The following ORC3 variants were observed in gnomAD, a reference collection of about 807,000 sequenced individuals.
The protein encoded by ORC3 is origin recognition complex subunit 3.
ORC3 carries 78 observed loss-of-function variants against 100.7 expected under a neutral mutation model. The ratio of observed to expected loss-of-function variants is 0.77; its 90% CI spans 0.65 to 0.94. The LOEUF is 0.94. ORC3 is among the 40% of genes least tolerant of loss of function. ORC3 has a pLI of 0.00. For missense variants in ORC3, 789 were observed against 823.9 expected, an observed-to-expected ratio of 0.96 and a Z score of 0.52; for synonymous variants, 295 against 289.3, an observed-to-expected ratio of 1.02 and a Z score of -0.20.
intron 19 of ORC3, among the ~76,000 whole-genome samples, chr6:87,666,155 C>T (rs139317778): frequency 1.3e-3 from 193 of 152,150 alleles, no homozygotes; most frequent in African/African-American, 3.7e-3. Flanking sequence ...GTTTTTGAGA[C>T]GGAGTCTCGT....
chr6:87,675,643 C>T, the ORC3 span: 4 of 1,611,678 alleles, frequency 2.5e-6, no homozygotes, highest in Non-Finnish European at 3.4e-6. Context: ...GTGCAAAATA[C>T]AGGTCAAAAT....
intron 3 of ORC3, among the ~76,000 whole-genome samples, chr6:87,602,954 A>ATATATATATATATACACATATATTTT (rs1554236515): frequency 2.1e-5 from 2 of 95,300 alleles, no homozygotes; most frequent in African/African-American, 8.4e-5. Context: ...ACACATATAT[A>ATATATATATATATACACATATATTTT]ATATATATAT....
chr6:87,601,766 ATTTCTTTCTGTT>A lies in ORC3; in HGVS notation c.80-14_80-3del. 7.2e-7 allele frequency: 1 copy of A among 1,398,208 alleles called. No homozygotes were observed. The highest frequency in any genetic ancestry group is 1.0e-6 in the Non-Finnish European group (1 of 986,494). 86.6% of individuals were successfully genotyped at this position (1,398,208 alleles called of 1,614,324 possible). A position where few individuals can be genotyped will look rare whatever the true frequency, so the allele number is the denominator to read the frequency against. On this transcript the variant is annotated splice_region_variant and splice_polypyrimidine_tract_variant and intron_variant, in intron 2 of 19. Coordinates refer to ENST00000392844, the MANE Select transcript of ORC3 (RefSeq NM_012381.4). ...ATTATATGAAAAAAGAAACTGACTT[ATTTCTTTCTGTT>A]TTTAGAGGACTATTTTAACAAAGGG...
intron 5 of ORC3, 150 bp from the exon 6 acceptor site, chr6:87,607,523 T>G: frequency 1.7e-6 from 1 of 581,348 alleles, no homozygotes; most frequent in East Asian, 2.9e-5. Context: ...GTTAATATGT[T>G]AAATGTTACA....
At position 87,612,219 on chromosome 6, in the gene ORC3, A is replaced by G. The variant is rs1376676043; in HGVS notation, c.844A>G (p.Lys282Glu). The G allele has an allele frequency of 6.2e-7, 1 of 1,611,552 alleles. No individual in the cohort carries two copies. Among genetic ancestry groups the G allele is most frequent in the South Asian group, 1.1e-5 (1 of 90,242 alleles). ...CIELFQSLSC[K>E]EHLTTVLDKL... ...AGAACTGTTCCAATCTTTGTCTTGT[A>G]AGGAGCACCTGACTACGGTACTCGA... is the stretch of plus-strand genomic sequence containing the variant. The change falls in exon 8 of 20, where the codon AAG (lysine) becomes GAG (glutamate). Residue 282 changes from lysine to glutamate, a missense_variant. Transcript: ENST00000392844.
the ORC3 span, among the ~76,000 whole-genome samples, chr6:87,674,648 T>A: frequency 8.6e-5 from 12 of 140,000 alleles, no homozygotes; most frequent in African/African-American, 3.4e-4. Context: ...ATATATTTTT[T>A]TTTTTTTAGT....
chr6:87,673,547 AAG>A, the ORC3 span, among the ~76,000 whole-genome samples: 3 of 152,148 alleles, frequency 2.0e-5, no homozygotes, highest in African/African-American at 4.8e-5. Context: ...AGACCATTAA[AAG>A]GGGGTAGAAT....
intron 12 of ORC3, 22 bp from the exon 13 acceptor site, chr6:87,636,385 C>A (rs1304849044): frequency 2.0e-6 from 3 of 1,531,536 alleles, no homozygotes; most frequent in Non-Finnish European, 2.7e-6. Flanking sequence ...TGGTTCCTCA[C>A]AAATGTGTTG....
chr6:87,605,031 A>C (rs1778228848), intron 4 of ORC3, among the ~76,000 whole-genome samples: 1 of 152,238 alleles, frequency 6.6e-6, no homozygotes, highest in Non-Finnish European at 1.5e-5. Flanking sequence ...GGAAGATACC[A>C]GTTAACAGAA....
chr6:87,613,096 C>T (rs1028103091), intron 8 of ORC3, among the ~76,000 whole-genome samples: 9 of 152,136 alleles, frequency 5.9e-5, no homozygotes, highest in African/African-American at 9.7e-5. Context: ...TCTGTTCTCA[C>T]GCTGCTGATA....
rs760020988 is a variant in ORC3, at chr6:87,621,432, A to C, written c.1066A>C (p.Asn356His). ...TCTTCCAGAAGCCAAAAGAAGAATA[A>C]ATTTTTTATCAAATAATCAATGTGA... ...CNLPEAKRRI[N>H]FLSNNQCENI... The change falls in exon 10 of 20, where the codon AAT (asparagine) becomes CAT (histidine). Residue 356 changes from asparagine (N) to histidine (H), a missense_variant. By Grantham distance (68) the Asn-to-His change is moderately conservative. Around this residue, in one of 3 missense-constraint regions of ORC3, gnomAD observed 24 missense variants for 47.7 expected, o/e 0.50. Coordinates refer to ENST00000392844, the MANE Select transcript of ORC3 (RefSeq NM_012381.4). The C allele has an allele frequency of 6.2e-7, 1 of 1,603,068 alleles. No individual in the cohort carries two copies. The highest frequency in any genetic ancestry group is 8.5e-7 in the Non-Finnish European group (1 of 1,175,266).
chr6:87,666,966 C>A, intron 19 of ORC3, 52 bp from the exon 20 acceptor site: 1 of 1,034,676 alleles, frequency 9.7e-7, no homozygotes, highest in Non-Finnish European at 1.5e-6. Context: ...AGATTTTAAT[C>A]CCTTTTTGTC....
At position 87,634,928 on chromosome 6, in the gene ORC3, C is replaced by T. The variant is rs1448684779; in HGVS notation, c.1269C>T (p.Thr423=). 1 of 1,595,476 alleles carries T rather than the reference C, an allele frequency of 6.3e-7. No homozygotes were observed. The highest frequency in any genetic ancestry group is 1.3e-5 in the African/African-American group (1 of 74,656). The change falls in exon 12 of 20, where the codon ACC becomes ACT. Residue 423 remains threonine, a synonymous_variant. Transcript: ENST00000392844. ...TTTTGAGATGTCTTCATAAGTTCACCTCTTCTCTTCCCAAGTATCCACTAG... is the reference window on the plus strand; with the variant it reads ...TTTTGAGATGTCTTCATAAGTTCACTTCTTCTCTTCCCAAGTATCCACTAG... ...FLVLRCLHKF[T]SSLPKYPLGR... is the part of the protein sequence containing the mutation.
chr6:87,643,412 T>TAA lies in ORC3; in HGVS notation c.1382+6938_1382+6939dup, dbSNP rs11441800. ...ACTTCCAGAAAATAAAGGGAGAGGT[T>TAA]AAAAAAAAAAAAAGCGGGGAGGGGG... On this transcript the variant is annotated intron_variant, in intron 13 of 19. Coordinates refer to ENST00000392844, the MANE Select transcript of ORC3 (RefSeq NM_012381.4). 3.1e-3 allele frequency among the ~76,000 whole-genome samples: 440 copies of TAA among 140,974 alleles called. 3 individuals are homozygous for TAA. The highest frequency in any genetic ancestry group is 0.015 in the South Asian group (62 of 4,270). 92.5% of individuals were successfully genotyped at this position (140,974 alleles called of 152,430 possible).
chr6:87,626,195 T>G (rs1414227825), intron 11 of ORC3, among the ~76,000 whole-genome samples: 2 of 152,238 alleles, frequency 1.3e-5, no homozygotes, highest in Non-Finnish European at 1.5e-5. Flanking sequence ...ATATGAACTT[T>G]AAAGTAGTTT....
chr6:87,640,249 C>T (rs1768143650), intron 13 of ORC3, among the ~76,000 whole-genome samples: 1 of 152,020 alleles, frequency 6.6e-6, no homozygotes, highest in South Asian at 2.1e-4. Context: ...TATCTGGTGA[C>T]CATTTAAAAC....
At chr6:87,667,747 T>TG (rs1770741663), downstream of ORC3, among the ~76,000 whole-genome samples, 1 of 151,568 alleles carries the variant, frequency 6.6e-6, no homozygotes, top group South Asian at 2.1e-4. Context: ...GCCAACAAGG[T>TG]GAAACCCCAT....
intron 18 of ORC3, among the ~76,000 whole-genome samples, chr6:87,665,315 T>C (rs952260509): frequency 6.6e-6 from 1 of 152,230 alleles, no homozygotes; most frequent in Non-Finnish European, 1.5e-5. Context: ...TAAACAACTG[T>C]TGTTATTCTT....
intron 13 of ORC3, among the ~76,000 whole-genome samples, chr6:87,641,838 A>T (rs890721497): frequency 1.3e-5 from 2 of 152,214 alleles, no homozygotes; most frequent in Admixed American, 6.5e-5. Flanking sequence ...TTGGACTCTA[A>T]GTAATGCATT....
Sources: allele counts gnomAD v4.1 joint callset (sites outside exome capture counted in the v4.1 genomes callset), GRCh38; gene constraint gnomAD v4.1.1; regional missense constraint gnomAD v4.1.1; transcripts MANE v1.5; gene names NCBI Gene and HGNC (gene_info 2026-07-23, HGNC 2026-07-21).